ESRRG: variants seen among roughly 807,000 people sequenced by gnomAD.
The protein encoded by ESRRG is estrogen-related receptor gamma.
A neutral mutation model predicts 44.0 loss-of-function variants in ESRRG; 13 were observed. The ratio of observed to expected loss-of-function variants is 0.30; its 90% CI spans 0.19 to 0.47. ESRRG has a LOEUF of 0.47. ESRRG is among the 20% of genes least tolerant of loss of function. ESRRG has a pLI of 1.00. For synonymous variants in ESRRG, 215 were observed against 214.6 expected (o/e 1.00, Z -0.02); for missense variants, 395 against 580.6 (o/e 0.68, Z 3.29).
chr1:216,775,551 CTTTTTTTTTTTTTTTTTTTTTTTT>C (rs71163765), intron 2 of ESRRG, among the ~76,000 whole-genome samples: 10 of 74,834 alleles, frequency 1.3e-4, no homozygotes, highest in East Asian at 3.7e-4. Context: ...AATGTCACAT[CTTTTTTTTTTTTTTTTTTTTTTTT>C]TTTTTTTTTT....
chr1:217,101,229 C>T (rs1323248292), intron 1 of ESRRG, among the ~76,000 whole-genome samples: 1 of 152,210 alleles, frequency 6.6e-6, no homozygotes, highest in Non-Finnish European at 1.5e-5. Context: ...TCAAACCCTT[C>T]CTGACCACCT....
At chr1:216,888,545 A>T (rs1411762047) in intron 2 of ESRRG, among the ~76,000 whole-genome samples, 1 of 152,158 alleles carries the variant, frequency 6.6e-6, no homozygotes, top group East Asian at 1.9e-4. Context: ...GTCCAGCAAG[A>T]TAAATTTACT....
intron 2 of ESRRG, among the ~76,000 whole-genome samples, chr1:216,913,831 T>C (rs547081354): frequency 6.6e-6 from 1 of 152,340 alleles, no homozygotes; most frequent in South Asian, 2.1e-4. Context: ...CCTGAGAAAT[T>C]AGCTATCATT....
chr1:216,882,988 G>A (rs1001792013), intron 2 of ESRRG, among the ~76,000 whole-genome samples: 6 of 151,668 alleles, frequency 4.0e-5, no homozygotes, highest in African/African-American at 1.5e-4. Context: ...GAAATCTACC[G>A]CTTTCCTTAT....
chr1:216,708,482 A>C (rs575523418), intron 1 of ESRRG, among the ~76,000 whole-genome samples: 2 of 152,314 alleles, frequency 1.3e-5, no homozygotes, highest in Admixed American at 1.3e-4. Flanking sequence ...GACAGTGGTC[A>C]TTGGAGAAAT....
chr1:216,907,665 T>C (rs1367944951), intron 2 of ESRRG, among the ~76,000 whole-genome samples: 4 of 152,314 alleles, frequency 2.6e-5, no homozygotes, highest in Non-Finnish European at 4.4e-5. Flanking sequence ...TTACTATGTG[T>C]GCAAAATAGA....
chr1:216,787,011 G>A lies in ESRRG; in HGVS notation c.-13-109520C>T, dbSNP rs200069502. On this transcript the variant is annotated intron_variant, in intron 2 of 7. Coordinates refer to the ESRRG transcript ENST00000359162. The stretch of plus-strand genomic sequence containing the variant: ...AAGGTTTGTGGCAACCTTTCATCAA[G>A]CCAGTCTATCAGTGCCATTTCTCCA... Among the ~76,000 whole-genome samples, 4 of 152,136 alleles carry A rather than the reference G, an allele frequency of 2.6e-5. No individual in the cohort carries two copies. The East Asian group carries it at 7.7e-4, about 29-fold the overall frequency.
In ESRRG at chr1:216,777,554, A is replaced by C. The variant is rs11572621; in HGVS notation, c.-13-100063T>G. Among the ~76,000 whole-genome samples the C allele has an allele frequency of 7.3e-3, 1,106 of 152,266 alleles. 51 individuals carry two copies. In the East Asian group the frequency reaches 0.13, roughly 18 times the overall value. ...ATCAGCAAGGGGTTGTGTAAGAACC[A>C]CAGTGCTAGACTTAAATCTAAGTCT... On this transcript the variant is annotated intron_variant, in intron 2 of 7. Coordinates refer to the ESRRG transcript ENST00000359162.
chr1:217,068,108 T>A (rs950482), intron 1 of ESRRG, among the ~76,000 whole-genome samples: 20,815 of 152,222 alleles, frequency 0.14, 2,140 homozygotes, highest in East Asian at 0.59. Context: ...TAGAGCTACC[T>A]CAATTCCATC....
rs558688565 is a variant in ESRRG, at chr1:216,535,779, C to A, written c.863-16358G>T. The stretch of plus-strand genomic sequence containing the variant: ...TCTTACTTCCATACTGGCTTTTCCC[C>A]AATAGCTAGCTCTCTGTCTCTGTCT... On this transcript the variant is annotated intron_variant, in intron 5 of 6. Coordinates refer to ENST00000408911, the MANE Select transcript of ESRRG (RefSeq NM_001438.4). Among the ~76,000 whole-genome samples, 5 of 152,192 alleles carry A rather than the reference C, an allele frequency of 3.3e-5. No homozygotes were observed. In the East Asian group the frequency reaches 7.8e-4, roughly 24 times the overall value.
intron 3 of ESRRG, among the ~76,000 whole-genome samples, chr1:216,634,711 A>G (rs1241575623): frequency 6.6e-6 from 1 of 152,142 alleles, no homozygotes; most frequent in Non-Finnish European, 1.5e-5. Context: ...CACTGATGCA[A>G]CTGGTGAAGG....
upstream of ESRRG, among the ~76,000 whole-genome samples, chr1:216,726,520 CA>C (rs896238811): frequency 2.0e-5 from 3 of 151,558 alleles, no homozygotes; most frequent in Non-Finnish European, 4.4e-5. Flanking sequence ...ATCTCAATTA[CA>C]AAAAAAATCT....
intron 3 of ESRRG, among the ~76,000 whole-genome samples, chr1:216,648,715 A>G (rs1478150684): frequency 4.6e-5 from 7 of 152,212 alleles, no homozygotes; most frequent in African/African-American, 1.4e-4. Context: ...GTCTCCATTA[A>G]TTCAGTTTTT....
intron 2 of ESRRG, among the ~76,000 whole-genome samples, chr1:216,842,243 G>A (rs962404483): frequency 7.2e-5 from 11 of 151,956 alleles, no homozygotes; most frequent in African/African-American, 2.7e-4. Context: ...TTCATTTTTT[G>A]TCTCAGAGTT....
At chr1:217,096,810 A>C (rs1208641560) in intron 1 of ESRRG, among the ~76,000 whole-genome samples, 1 of 152,162 alleles carries the variant, frequency 6.6e-6, no homozygotes, top group Non-Finnish European at 1.5e-5. Context: ...AAGATGTTTT[A>C]GTTATTTTTT....
chr1:216,950,901 T>C (rs1489848988), intron 1 of ESRRG, among the ~76,000 whole-genome samples: 2 of 152,262 alleles, frequency 1.3e-5, no homozygotes, highest in South Asian at 2.1e-4. Flanking sequence ...GACCGTGAAA[T>C]TTAGTTTAAA....
chr1:216,576,588 C>T (rs970183680), intron 3 of ESRRG, among the ~76,000 whole-genome samples: 4 of 151,992 alleles, frequency 2.6e-5, no homozygotes, highest in Non-Finnish European at 5.9e-5. Flanking sequence ...GACATAACCC[C>T]AAAGAAGTCT....
intron 1 of ESRRG, among the ~76,000 whole-genome samples, chr1:216,708,494 C>G (rs2082886847): frequency 6.6e-6 from 1 of 152,024 alleles, no homozygotes; most frequent in East Asian, 1.9e-4. Context: ...TGGAGAAATG[C>G]AAACCAAAAC....
intron 2 of ESRRG, among the ~76,000 whole-genome samples, chr1:216,744,523 C>T (rs2091157915): frequency 6.6e-6 from 1 of 151,918 alleles, no homozygotes; most frequent in East Asian, 1.9e-4. Context: ...TCTGTACACA[C>T]TCCTAAAAGC....
Sources: gnomAD v4.1 joint callset for allele counts (sites outside exome capture counted in the v4.1 genomes callset) on GRCh38, gnomAD v4.1.1 for gene constraint, MANE v1.5 for transcripts, NCBI Gene and HGNC (gene_info 2026-07-23, HGNC 2026-07-21) for gene names.